Variants in RYR2 observed in about 807,000 individuals in gnomAD.
The protein encoded by RYR2 is ryanodine receptor 2.
In RYR2, 227 loss-of-function variants were observed where a neutral mutation model predicts 601.1. That is an observed-to-expected ratio of 0.38 (90% CI 0.34 to 0.42). The LOEUF is 0.42. RYR2 is among the 10% of genes least tolerant of loss of function. The pLI, the probability that RYR2 is intolerant of heterozygous loss-of-function variation, is 1.00. For synonymous variants in RYR2, 2,223 were observed against 2,175.1 expected, an observed-to-expected ratio of 1.02 and a Z score of -0.61; for missense variants, 4,646 against 6,156.5, an observed-to-expected ratio of 0.75 and a Z score of 8.21.
intron 65 of RYR2, 91 bp from the exon 66 acceptor site, chr1:237,701,887 C>A: frequency 1.5e-6 from 1 of 688,938 alleles, no homozygotes; most frequent in Middle Eastern, 2.6e-4. Context: ...TAGTATATAG[C>A]CTAAACTGAA....
chr1:237,257,749 G>C (rs1017821757), intron 1 of RYR2, among the ~76,000 whole-genome samples: 15 of 152,120 alleles, frequency 9.9e-5, no homozygotes, highest in African/African-American at 2.9e-4. Context: ...GAGAGATAAT[G>C]GTGGGAAGGA....
At chr1:237,339,753 TGA>T (rs1484071332) in intron 3 of RYR2, among the ~76,000 whole-genome samples, 1 of 152,178 alleles carries the variant, frequency 6.6e-6, no homozygotes, top group African/African-American at 2.4e-5. Context: ...GCTTCCCTCA[TGA>T]TTACAGGATA....
At chr1:237,097,223 C>T (rs921378434) in intron 1 of RYR2, among the ~76,000 whole-genome samples, 2 of 152,162 alleles carry the variant, frequency 1.3e-5, no homozygotes, top group African/African-American at 2.4e-5. Flanking sequence ...TTTAGAGCTG[C>T]CAGATTGACC....
At chr1:237,372,289 T>C (rs1166839702) in intron 6 of RYR2, among the ~76,000 whole-genome samples, 2 of 152,216 alleles carry the variant, frequency 1.3e-5, no homozygotes, top group Admixed American at 1.3e-4. Flanking sequence ...GTGATCATGT[T>C]AGCAAGTGCT....
At chr1:237,165,107 G>T (rs1042587585) in intron 1 of RYR2, among the ~76,000 whole-genome samples, 1 of 151,832 alleles carries the variant, frequency 6.6e-6, no homozygotes. Flanking sequence ...ATAGGCGCAT[G>T]CACCATACCT....
At chr1:237,650,325 T>C (rs1445081566) in intron 50 of RYR2, among the ~76,000 whole-genome samples, 2 of 152,144 alleles carry the variant, frequency 1.3e-5, no homozygotes, top group Admixed American at 1.3e-4. Flanking sequence ...CTGTTGGATA[T>C]AGCTTTTGAC....
intron 5 of RYR2, among the ~76,000 whole-genome samples, chr1:237,368,563 T>C (rs560909294): frequency 5.3e-5 from 8 of 152,248 alleles, no homozygotes; most frequent in African/African-American, 1.9e-4. Context: ...CCTGGAAAAT[T>C]ATTGAAATGA....
At chr1:237,454,326 A>G in intron 14 of RYR2, 65 bp from the exon 15 acceptor site, 1 of 1,494,142 alleles carries the variant, frequency 6.7e-7, no homozygotes, top group Non-Finnish European at 9.0e-7. Flanking sequence ...GAAATCATCT[A>G]TAAATGGAAA....
chr1:237,258,181 AAAAG>A (rs1399807250), intron 1 of RYR2, among the ~76,000 whole-genome samples: 3 of 151,802 alleles, frequency 2.0e-5, no homozygotes, highest in African/African-American at 4.8e-5. Context: ...AAAAAAAAAA[AAAAG>A]AAAGAAAAAG....
Position 237,530,505 on chromosome 1 carries a change from C to G in RYR2, c.2901C>G (p.Pro967=), listed in dbSNP as rs747234013. 6.3e-7 allele frequency: 1 copy of G among 1,597,374 alleles called. No homozygotes were observed. The highest frequency in any genetic ancestry group is 8.5e-7 in the Non-Finnish European group (1 of 1,170,576). The stretch of plus-strand genomic sequence containing the variant: ...ACAAGGTGAAAAAAATGAAGCTACC[C>G]AAGAAGTAAGTTGAATGACTAAGCA... The part of the protein sequence containing the change: ...AEDKVKKMKL[P]KNYQLTSGYK... The change falls in exon 25 of 105, where the codon CCC becomes CCG. Residue 967 remains proline, a synonymous_variant. Transcript: ENST00000366574.
At chr1:237,665,607 G>T (rs1032955608) in intron 56 of RYR2, among the ~76,000 whole-genome samples, 1 of 152,112 alleles carries the variant, frequency 6.6e-6, no homozygotes, top group Non-Finnish European at 1.5e-5. Flanking sequence ...TTCCACCATG[G>T]TGTTTGCCTT....
intron 1 of RYR2, among the ~76,000 whole-genome samples, chr1:237,225,815 G>T (rs372486625): frequency 1.8e-4 from 28 of 152,266 alleles, no homozygotes; most frequent in African/African-American, 6.5e-4. Context: ...CCAGCACTTT[G>T]GGAGGCCAAG....
At chr1:237,678,902 A>C in intron 61 of RYR2, among the ~76,000 whole-genome samples, 1 of 152,226 alleles carries the variant, frequency 6.6e-6, no homozygotes, top group East Asian at 1.9e-4. Context: ...GCATTCAGCG[A>C]TTACAGATAA....
chr1:237,129,804 G>C (rs1364809037), intron 1 of RYR2, among the ~76,000 whole-genome samples: 1 of 151,972 alleles, frequency 6.6e-6, no homozygotes, highest in African/African-American at 2.4e-5. Flanking sequence ...TGAACTATGA[G>C]GACATTATGC....
At chr1:237,742,058 T>C (rs1691655625) in intron 79 of RYR2, among the ~76,000 whole-genome samples, 1 of 152,228 alleles carries the variant, frequency 6.6e-6, no homozygotes, top group Non-Finnish European at 1.5e-5. Context: ...CTCATAGTTA[T>C]CTCTGTTACC....
chr1:237,753,664 C>A (rs1473897873), intron 80 of RYR2, among the ~76,000 whole-genome samples: 1 of 152,074 alleles, frequency 6.6e-6, no homozygotes, highest in Non-Finnish European at 1.5e-5. Context: ...ACTGTGTAAC[C>A]TTGAAATAAC....
At position 237,503,458 on chromosome 1, in the gene RYR2, T is replaced by G; in HGVS notation, c.2566T>G (p.Ser856Ala). The change falls in exon 22 of 105, where the codon TCC (serine) becomes GCC (alanine). Residue 856 changes from serine to alanine, a missense_variant. Transcript: ENST00000366574. ...YTRDLLGPTV[S>A]LTQAAFTPIP... ...ACGCGACCTGCTGGGCCCCACAGTT[T>G]CCCTGACGCAAGCTGCCTTCACACC... The G allele has an allele frequency of 1.2e-6, 2 of 1,613,918 alleles. No homozygotes were observed. Among genetic ancestry groups the G allele is most frequent in the Admixed American group, 1.7e-5 (1 of 60,010 alleles).
rs754982634 is a variant in RYR2, at chr1:237,643,335, T to C, written c.7230T>C (p.His2410=). Reference sequence around the variant, plus strand: ...TTTTTTCCCCTGTATAGTTGATTCATGCCGGGAAGGGAGAAGCCATCAGAA... The same window carrying C: ...TTTTTTCCCCTGTATAGTTGATTCACGCCGGGAAGGGAGAAGCCATCAGAA... The part of the protein sequence containing the change: ...GRCAPEMHLI[H]AGKGEAIRIR... The change falls in exon 48 of 105, where the codon CAT becomes CAC. Residue 2410 remains histidine (H), a synonymous_variant. Transcript: ENST00000366574. 6 of 1,613,684 alleles carry C rather than the reference T, an allele frequency of 3.7e-6. No individual in the cohort carries two copies. The highest frequency in any genetic ancestry group is 1.6e-4 in the Middle Eastern group (1 of 6,062).
At chr1:237,567,415 CAAAAAAAAA>C (rs3057438) in intron 28 of RYR2, among the ~76,000 whole-genome samples, 1 of 112,020 alleles carries the variant, frequency 8.9e-6, no homozygotes, top group Non-Finnish European at 1.7e-5. Context: ...CCTGTCTCTA[CAAAAAAAAA>C]AAAAAAAAAA....
Sources: allele counts gnomAD v4.1 joint callset (sites outside exome capture counted in the v4.1 genomes callset), GRCh38; gene constraint gnomAD v4.1.1; transcripts MANE v1.5; gene names NCBI Gene and HGNC (gene_info 2026-07-23, HGNC 2026-07-21).